The following LRBA variants were observed in gnomAD, a reference collection of about 807,000 sequenced individuals.
LRBA encodes LPS responsive beige-like anchor protein.
In LRBA, 176 loss-of-function variants were observed where a neutral mutation model predicts 330.0. The ratio of observed to expected loss-of-function variants is 0.53; its 90% CI spans 0.47 to 0.60. LRBA has a LOEUF of 0.60. Ranked by LOEUF, LRBA falls within the 20% of genes least tolerant of loss-of-function variation. The pLI is 0.00. For synonymous variants in LRBA, 1,230 were observed against 1,193.0 expected, an observed-to-expected ratio of 1.03 and a Z score of -0.64; for missense variants, 3,259 against 3,444.8, an observed-to-expected ratio of 0.95 and a Z score of 1.35.
rs147816648 is a variant in LRBA, at chr4:150,337,476, A to T, written c.7363-11578T>A. Among the ~76,000 whole-genome samples the T allele has an allele frequency of 8.0e-3, 1,215 of 152,200 alleles. 19 individuals are homozygous for T. Among genetic ancestry groups the T allele is most frequent in the African/African-American group, 0.028 (1,156 of 41,516 alleles). ...GATGCTCATTTAATTGAATAAGGGA[A>T]TTTTTGTCTGATTATTGTGGTTTTG... On this transcript the variant is annotated intron_variant, in intron 48 of 56. Transcript: ENST00000651943.
chr4:150,974,904 A>T (rs2149592455), intron 2 of LRBA, among the ~76,000 whole-genome samples: 1 of 152,324 alleles, frequency 6.6e-6, no homozygotes, highest in Non-Finnish European at 1.5e-5. Flanking sequence ...GCTTTTGAAA[A>T]CTGAACTGAT....
At chr4:150,409,415 C>A (rs926314479) in intron 47 of LRBA, among the ~76,000 whole-genome samples, 1 of 152,100 alleles carries the variant, frequency 6.6e-6, no homozygotes, top group Non-Finnish European at 1.5e-5. Context: ...ATTGAAAAGT[C>A]CTTCCTTTCC....
At chr4:150,630,486 A>C (rs559396057) in intron 37 of LRBA, among the ~76,000 whole-genome samples, 1 of 148,032 alleles carries the variant, frequency 6.8e-6, no homozygotes, top group East Asian at 2.0e-4. Context: ...ATCCTTATTC[A>C]GTCTGAATAT....
intron 40 of LRBA, among the ~76,000 whole-genome samples, chr4:150,515,701 C>T (rs1762265152): frequency 6.6e-6 from 1 of 152,054 alleles, no homozygotes; most frequent in East Asian, 1.9e-4. Flanking sequence ...CCAAAGTACT[C>T]CAAATGATTA....
At position 150,726,491 on chromosome 4, in the gene LRBA, C is replaced by T. The variant is rs62346302; in HGVS notation, c.5754+8767G>A. On this transcript the variant is annotated intron_variant, in intron 36 of 56. Transcript: ENST00000651943. ...ACTGTATTAGTCCGTTTTCACACTG[C>T]TATAAAGAACTACCCAAGACTGGGT... 7.8e-3 allele frequency among the ~76,000 whole-genome samples: 1,182 copies of T among 152,200 alleles called. 12 individuals carry two copies. Among genetic ancestry groups the T allele is most frequent in the Non-Finnish European group, 0.011 (734 of 67,982 alleles).
rs1252854937 is a variant in LRBA at position 150,489,130 on chromosome 4, A to ACT, written c.6449-1297_6449-1296insAG. Among the ~76,000 whole-genome samples, 425 of 65,712 alleles carry ACT rather than the reference A, an allele frequency of 6.5e-3. 4 individuals are homozygous for ACT. Among genetic ancestry groups the ACT allele is most frequent in the Non-Finnish European group, 9.2e-3 (351 of 38,026 alleles). 43.1% of individuals were successfully genotyped at this position (65,712 alleles called of 152,430 possible). A position where few individuals can be genotyped will look rare whatever the true frequency, so the allele number is the denominator to read the frequency against. On this transcript the variant is annotated intron_variant, in intron 41 of 56. Coordinates refer to ENST00000651943, the MANE Select transcript of LRBA (RefSeq NM_001364905.1). ...TTATATATCATATATAATATATAAG[A>ACT]ATATATAATATATAATATATCAGAA...
Position 150,830,963 on chromosome 4 carries a change from C to T in LRBA, c.4729+854G>A, listed in dbSNP as rs185554846. On this transcript the variant is annotated intron_variant, in intron 29 of 56. Transcript: ENST00000651943. Reference sequence around the variant, plus strand: ...TATTTTTAGTAGAGATAGGGTTTTACCATGTTGGCCAGGATGGTCTCCAAC... The same window carrying T: ...TATTTTTAGTAGAGATAGGGTTTTATCATGTTGGCCAGGATGGTCTCCAAC... Among the ~76,000 whole-genome samples the T allele has an allele frequency of 6.6e-5, 10 of 151,956 alleles. 1 individual carries two copies. The East Asian group carries it at 1.7e-3, about 26-fold the overall frequency.
intron 45 of LRBA, 130 bp downstream of exon 45, chr4:150,436,594 A>G (rs894701847): frequency 1.2e-5 from 8 of 668,052 alleles, no homozygotes; most frequent in African/African-American, 1.8e-5. Context: ...GATATTTATA[A>G]TTAGAACTTC....
At chr4:150,991,881 T>C (rs2149628985) in intron 2 of LRBA, among the ~76,000 whole-genome samples, 1 of 152,254 alleles carries the variant, frequency 6.6e-6, no homozygotes, top group South Asian at 2.1e-4. Context: ...ATGAGAGAAA[T>C]ATATATAAAC....
intron 40 of LRBA, among the ~76,000 whole-genome samples, chr4:150,558,804 C>T (rs1360747151): frequency 6.6e-6 from 1 of 152,066 alleles, no homozygotes; most frequent in Non-Finnish European, 1.5e-5. Flanking sequence ...TTATATTAAG[C>T]TAAATATGAT....
intron 44 of LRBA, among the ~76,000 whole-genome samples, chr4:150,459,448 C>T (rs765230909): frequency 4.6e-5 from 7 of 151,906 alleles, no homozygotes; most frequent in Admixed American, 6.6e-5. Context: ...GACTGACAGA[C>T]AGATTTGAGA....
intron 40 of LRBA, among the ~76,000 whole-genome samples, chr4:150,551,272 A>G (rs187084686): frequency 6.6e-6 from 1 of 152,348 alleles, no homozygotes; most frequent in East Asian, 1.9e-4. Context: ...AGTCTCTGGT[A>G]TTCTGTAATA....
intron 37 of LRBA, among the ~76,000 whole-genome samples, chr4:150,655,623 A>G (rs1264155394): frequency 6.6e-6 from 1 of 152,220 alleles, no homozygotes; most frequent in Non-Finnish European, 1.5e-5. Flanking sequence ...TGAAAAACTG[A>G]CACTTGGCAA....
At chr4:150,411,321 A>G (rs573985337) in intron 47 of LRBA, among the ~76,000 whole-genome samples, 1 of 152,210 alleles carries the variant, frequency 6.6e-6, no homozygotes, top group Non-Finnish European at 1.5e-5. Flanking sequence ...CAGTAGTTAC[A>G]GTCCTCTAAC....
At chr4:150,453,044 A>G (rs529945643) in intron 44 of LRBA, among the ~76,000 whole-genome samples, 1 of 152,338 alleles carries the variant, frequency 6.6e-6, no homozygotes, top group Non-Finnish European at 1.5e-5. Context: ...GAGAAACTAA[A>G]AAAGGACTAA....
chr4:150,651,767 G>C (rs1779728809), intron 37 of LRBA, among the ~76,000 whole-genome samples: 1 of 152,162 alleles, frequency 6.6e-6, no homozygotes, highest in African/African-American at 2.4e-5. Flanking sequence ...TATGTTCTAA[G>C]AACAATAAGC....
chr4:150,796,605 T>C (rs1400252268), intron 34 of LRBA, among the ~76,000 whole-genome samples: 1 of 151,962 alleles, frequency 6.6e-6, no homozygotes, highest in African/African-American at 2.4e-5. Flanking sequence ...TAAATAGGCA[T>C]ATTAAAACAT....
intron 28 of LRBA, among the ~76,000 whole-genome samples, chr4:150,838,482 G>T (rs1040474553): frequency 2.0e-5 from 3 of 152,168 alleles, no homozygotes; most frequent in Admixed American, 6.5e-5. Flanking sequence ...TGGAGGCTTC[G>T]TTCATTTCTC....
chr4:150,548,393 A>G (rs923693156), intron 40 of LRBA, among the ~76,000 whole-genome samples: 4 of 152,190 alleles, frequency 2.6e-5, no homozygotes, highest in East Asian at 1.9e-4. Context: ...AAATATATTT[A>G]AAGTGCCAAA....
Sources: allele counts gnomAD v4.1 joint callset (sites outside exome capture counted in the v4.1 genomes callset), GRCh38; gene constraint gnomAD v4.1.1; transcripts MANE v1.5; gene names NCBI Gene and HGNC (gene_info 2026-07-23, HGNC 2026-07-21).